The following ABCG5 variants were observed in gnomAD, a reference collection of about 807,000 sequenced individuals.
ABCG5 encodes the protein ATP-binding cassette sub-family G member 5.
Under a neutral mutation model 64.5 loss-of-function variants are expected in ABCG5, and 64 were observed. That is an observed-to-expected ratio of 0.99 (90% CI 0.81 to 1.22). The LOEUF is 1.22. Ranked by LOEUF, ABCG5 falls within the 50% of genes most tolerant of loss-of-function variation. The pLI is 0.00. For synonymous variants in ABCG5, 385 were observed against 326.3 expected (o/e 1.18, Z -1.94); for missense variants, 908 against 829.5 (o/e 1.09, Z -1.16).
At position 43,824,336 on chromosome 2, in the gene ABCG5, A is replaced by T. The variant is rs1171117803; in HGVS notation, c.1001T>A (p.Ile334Asn). The T allele has an allele frequency of 6.2e-7, 1 of 1,614,146 alleles. No individual in the cohort carries two copies. Among genetic ancestry groups the T allele is most frequent in the East Asian group, 2.2e-5 (1 of 44,888 alleles). Residue 334 changes from isoleucine (I) to asparagine (N), a missense_variant, in exon 8 of 13, where the codon ATT (isoleucine) becomes AAT (asparagine). By Grantham distance (149) the Ile-to-Asn change is moderately radical. Transcript: ENST00000405322. ...AATATTCTTCAAAGTTTTATGACAA[A>T]TTGCTGATTTCTTGTAGGCAGATTC... ...MIESAYKKSA[I>N]CHKTLKNIER...
chr2:43,817,756 A>G (rs1319189542), intron 11 of ABCG5, among the ~76,000 whole-genome samples: 1 of 152,024 alleles, frequency 6.6e-6, no homozygotes, highest in Non-Finnish European at 1.5e-5. Flanking sequence ...CTAAAAATAC[A>G]AAAATTAGCC....
intron 2 of ABCG5, among the ~76,000 whole-genome samples, chr2:43,834,547 GT>G (rs1668143586): frequency 6.6e-6 from 1 of 152,110 alleles, no homozygotes; most frequent in Non-Finnish European, 1.5e-5. Flanking sequence ...TTAAAAAAAT[GT>G]GTCAAGTATT....
In ABCG5 at chr2:43,822,758, A is replaced by G. The variant is rs748050136; in HGVS notation, c.1463+39T>C. On this transcript the variant is annotated intron_variant, in intron 10 of 12. Transcript: ENST00000405322. ...CGAGTCCCACTAGCTCCATGACTCC[A>G]TGGGAGCCCGGCCCTGGGTGAACTG... 30 of 1,612,626 alleles carry G rather than the reference A, an allele frequency of 1.9e-5. 1 individual carries two copies. Among genetic ancestry groups the G allele is most frequent in the Non-Finnish European group, 2.5e-5 (29 of 1,179,160 alleles).
chr2:43,808,609 T>C (rs17031638), downstream of ABCG5, among the ~76,000 whole-genome samples: 3,295 of 152,302 alleles, frequency 0.022, 83 homozygotes, highest in African/African-American at 0.062. Flanking sequence ...CCACCTCCAC[T>C]AAAATTTATT....
Position 43,838,177 on chromosome 2 carries a change from C to T in ABCG5, c.144-222G>A. 1.6e-6 allele frequency: 1 copy of T among 627,770 alleles called. No homozygotes were observed. The highest frequency in any genetic ancestry group is 2.7e-6 in the Non-Finnish European group (1 of 363,674). 38.9% of individuals were successfully genotyped at this position (627,770 alleles called of 1,614,324 possible). A position where few individuals can be genotyped will look rare whatever the true frequency, so the allele number is the denominator to read the frequency against. ...CCTGTGCTGGAGTTGCTCTGAATGT[C>T]CTGTCCGTTTGGCTGCGAGGTGGCT... On this transcript the variant is annotated intron_variant, in intron 1 of 12. Transcript: ENST00000405322. The surrounding 1 kb of genome is among the most constrained non-coding windows in gnomAD (Gnocchi z 4.2).
chr2:43,829,436 C>T (rs545749505), intron 4 of ABCG5, among the ~76,000 whole-genome samples: 1 of 152,334 alleles, frequency 6.6e-6, no homozygotes, highest in East Asian at 1.9e-4. Context: ...TCCCTTTCTT[C>T]CAATTCTCTT....
intron 11 of ABCG5, among the ~76,000 whole-genome samples, chr2:43,815,365 A>G (rs1666750020): frequency 6.6e-6 from 1 of 152,208 alleles, no homozygotes; most frequent in South Asian, 2.1e-4. Context: ...TCCTATCCCT[A>G]AAGAACTCAT....
chr2:43,809,838 A>G (rs954845387), downstream of ABCG5: 2 of 1,526,576 alleles, frequency 1.3e-6, no homozygotes, highest in Admixed American at 2.2e-5. Flanking sequence ...TGAATTAACT[A>G]TTGTGGCAAT....
intron 2 of ABCG5, among the ~76,000 whole-genome samples, chr2:43,836,765 A>C (rs1448156140): frequency 6.6e-6 from 1 of 152,206 alleles, no homozygotes; most frequent in Non-Finnish European, 1.5e-5. Flanking sequence ...GAGAAGGATG[A>C]TGTGGAGAAC....
intron 5 of ABCG5, among the ~76,000 whole-genome samples, chr2:43,826,955 C>G (rs755175087): frequency 6.6e-6 from 1 of 152,184 alleles, no homozygotes; most frequent in Non-Finnish European, 1.5e-5. Context: ...AAAAATCTGA[C>G]GAATAAAACA....
Position 43,838,785 on chromosome 2 carries a change from C to A in ABCG5, c.-106G>T. The A allele has an allele frequency of 6.4e-7, 1 of 1,552,808 alleles. No homozygotes were observed. The highest frequency in any genetic ancestry group is 8.7e-7 in the Non-Finnish European group (1 of 1,148,374). On this transcript the variant is annotated 5_prime_UTR_variant, in exon 1 of 13. Transcript: ENST00000405322. The surrounding 1 kb of genome is among the most constrained non-coding windows in gnomAD (Gnocchi z 4.2). The stretch of plus-strand genomic sequence containing the variant: ...AGACTGCCCTGCCTGCTCCACCTGA[C>A]CCCGGAGTCCCTTGGGACAGCAGGA...
At chr2:43,838,990 G>A, upstream of ABCG5, 7 of 1,498,064 alleles carry the variant, frequency 4.7e-6, no homozygotes, top group Non-Finnish European at 6.4e-6. This position sits in a 1 kb window ranked among gnomAD's most constrained non-coding sequence, Gnocchi z 4.2. Flanking sequence ...GAAGACACTG[G>A]CCCTGGCAGG....
chr2:43,838,044 C>T lies in ABCG5; in HGVS notation c.144-89G>A, dbSNP rs566100161. The T allele has an allele frequency of 5.9e-5, 92 of 1,571,018 alleles. No individual in the cohort carries two copies. In the African/African-American group the frequency reaches 1.1e-3, roughly 19 times the overall value. The stretch of plus-strand genomic sequence containing the variant: ...CCCCAGCATTGATCCTACCTGTGCC[C>T]CACCCCAGTAGTCTCCGGACAGGCT... On this transcript the variant is annotated intron_variant, in intron 1 of 12. Transcript: ENST00000405322. This position sits in a 1 kb window ranked among gnomAD's most constrained non-coding sequence, Gnocchi z 4.2.
chr2:43,810,323 A>G, downstream of ABCG5: 1 of 980,774 alleles, frequency 1.0e-6, no homozygotes, highest in Non-Finnish European at 1.2e-6. Context: ...ATCAGCACCA[A>G]TTTCACCCTG....
rs916689297 is a variant in ABCG5, at chr2:43,826,636, C to A, written c.635-115G>T. The A allele has an allele frequency of 4.0e-6, 6 of 1,489,328 alleles. No homozygotes were observed. The African/African-American group carries it at 4.1e-5, about 10-fold the overall frequency. The allele number at this position is 1,489,328 out of a possible 1,614,324, so 92.3% of individuals were successfully genotyped here. On this transcript the variant is annotated intron_variant, in intron 5 of 12. Transcript: ENST00000405322. ...GTTTGTACCCCATTCAAACAGTGTGCGGTGGGAAGTAAACATGTAAACTGG... is the reference window on the plus strand; with the variant it reads ...GTTTGTACCCCATTCAAACAGTGTGAGGTGGGAAGTAAACATGTAAACTGG...
intron 10 of ABCG5, 139 bp from the exon 11 acceptor site, chr2:43,820,239 G>A (rs1420877297): frequency 4.0e-6 from 4 of 995,554 alleles, no homozygotes; most frequent in East Asian, 2.6e-5. Flanking sequence ...CCCTTTGAAA[G>A]GCCGTTTTGG....
In ABCG5 at chr2:43,819,999, C is replaced by G; in HGVS notation, c.1565G>C (p.Gly522Ala). 1 of 1,614,112 alleles carries G rather than the reference C, an allele frequency of 6.2e-7. No homozygotes were observed. The highest frequency in any genetic ancestry group is 8.5e-7 in the Non-Finnish European group (1 of 1,180,028). ...GACTATATTTGGATTTTGGACGATA[C>G]CAAGTAGCACAAGAGTTAGAAATTC... is the stretch of plus-strand genomic sequence containing the variant. Reference protein sequence around the residue: ...IGEFLTLVLLGIVQNPNIVNS... With the variant: ...IGEFLTLVLLAIVQNPNIVNS... Residue 522 changes from glycine (G) to alanine (A), a missense_variant, in exon 11 of 13, where the codon GGT becomes GCT. Coordinates refer to ENST00000405322, the MANE Select transcript of ABCG5 (RefSeq NM_022436.3).
chr2:43,813,054 A>G lies in ABCG5; in HGVS notation c.*62T>C. On this transcript the variant is annotated 3_prime_UTR_variant, in exon 13 of 13. Transcript: ENST00000405322. Reference sequence around the variant, plus strand: ...GAAATACATGGCACTCTCATTTCAGACGTTCAGAGCAGTCATGCACAGTCG... The same window carrying G: ...GAAATACATGGCACTCTCATTTCAGGCGTTCAGAGCAGTCATGCACAGTCG... 1 of 775,678 alleles carries G rather than the reference A, an allele frequency of 1.3e-6. No individual in the cohort carries two copies. The highest frequency in any genetic ancestry group is 1.7e-5 in the African/African-American group (1 of 58,988). The allele number at this position is 775,678 out of a possible 1,614,324, so 48.0% of individuals were successfully genotyped here.
rs962973698 is a variant in ABCG5, at chr2:43,820,204, G to A, written c.1464-104C>T. 14 of 1,374,960 alleles carry A rather than the reference G, an allele frequency of 1.0e-5. No individual in the cohort carries two copies. In the African/African-American group the frequency reaches 1.7e-4, roughly 17 times the overall value. The allele number at this position is 1,374,960 out of a possible 1,614,324, so 85.2% of individuals were successfully genotyped here. A position where few individuals can be genotyped will look rare whatever the true frequency, so the allele number is the denominator to read the frequency against. The stretch of plus-strand genomic sequence containing the variant: ...AATCCTTTGTGGTGAGTGGGTGGGA[G>A]AAGTTTGCAGGGCAAGCCACACTCC... On this transcript the variant is annotated intron_variant, in intron 10 of 12. Transcript: ENST00000405322.
Sources: gnomAD v4.1 joint callset for allele counts (sites outside exome capture counted in the v4.1 genomes callset) on GRCh38, gnomAD v4.1.1 for gene constraint, Gnocchi (gnomAD v3.1) non-coding constraint, MANE v1.5 for transcripts, NCBI Gene and HGNC (gene_info 2026-07-23, HGNC 2026-07-21) for gene names.